ATP6V0A4: variants seen among roughly 807,000 people sequenced by gnomAD.
ATP6V0A4 encodes ATPase H+ transporting V0 subunit a4, also known as V-type proton ATPase 116 kDa subunit a 4.
In ATP6V0A4, 86 loss-of-function variants were observed where a neutral mutation model predicts 107.3. The ratio of observed to expected loss-of-function variants is 0.80; its 90% CI spans 0.67 to 0.96. The LOEUF is 0.96. Ranked by LOEUF, ATP6V0A4 falls within the 40% of genes least tolerant of loss-of-function variation. The pLI is 0.00. For missense variants in ATP6V0A4, 908 were observed against 1,045.6 expected (o/e 0.87, Z 1.81); for synonymous variants, 353 against 381.4 (o/e 0.93, Z 0.87).
At chr7:138,711,241 G>T (rs1383299774) in intron 20 of ATP6V0A4, among the ~76,000 whole-genome samples, 2 of 152,118 alleles carry the variant, frequency 1.3e-5, no homozygotes, top group East Asian at 3.9e-4. Flanking sequence ...CCAAGAGGAG[G>T]GAGGTCATGG....
At chr7:138,768,094 C>T (rs577940657) in intron 5 of ATP6V0A4, among the ~76,000 whole-genome samples, 12 of 152,078 alleles carry the variant, frequency 7.9e-5, no homozygotes, top group South Asian at 2.1e-4. Context: ...CCACCACCCC[C>T]GGCTAATTTT....
chr7:138,711,823 C>T (rs1352110319), intron 20 of ATP6V0A4, among the ~76,000 whole-genome samples: 1 of 152,272 alleles, frequency 6.6e-6, no homozygotes, highest in Non-Finnish European at 1.5e-5. Context: ...GATGCACACA[C>T]TCAGCCCTGC....
chr7:138,795,047 A>G (rs1458505333), intron 1 of ATP6V0A4, among the ~76,000 whole-genome samples: 2 of 151,934 alleles, frequency 1.3e-5, no homozygotes, highest in Non-Finnish European at 2.9e-5. Context: ...ACAGGCATGC[A>G]CCACCACGCC....
At chr7:138,734,002 A>G (rs983955685) in intron 16 of ATP6V0A4, 134 bp downstream of exon 16, 10 of 1,004,142 alleles carry the variant, frequency 1.0e-5, no homozygotes, top group African/African-American at 1.6e-5. Context: ...GCTCAAGCCC[A>G]GATGCCCAGG....
chr7:138,734,138 G>A lies in ATP6V0A4; in HGVS notation c.1689C>T (p.His563=), dbSNP rs760603032. 1 of 1,610,362 alleles carries A rather than the reference G, an allele frequency of 6.2e-7. No homozygotes were observed. The highest frequency in any genetic ancestry group is 1.7e-5 in the Admixed American group (1 of 59,994). ...VFGVILSLFN[H]IYFRRTLNII... is the part of the protein sequence containing the mutation. ...AGAGAGTGCATCAAGAAACTTACAT[G>A]TGATTGAAAAGGCTGAGGATGACAC... The change falls in exon 16 of 22, where the codon CAC becomes CAT. Residue 563 remains histidine (H), a splice_region_variant and synonymous_variant. Transcript: ENST00000310018.
Position 138,722,033 on chromosome 7 carries a change from C to T in ATP6V0A4, c.2011-8G>A, listed in dbSNP as rs183571925. On this transcript the variant is annotated splice_region_variant and splice_polypyrimidine_tract_variant and intron_variant, in intron 18 of 21. Coordinates refer to ENST00000310018, the MANE Select transcript of ATP6V0A4 (RefSeq NM_020632.3). The stretch of plus-strand genomic sequence containing the variant: ...GATCCTGGATGCCTGCAGCTGACAA[C>T]AAGCAGGGAAATGAGGAATGCGCTC... 353 of 1,614,084 alleles carry T rather than the reference C, an allele frequency of 2.2e-4. No homozygotes were observed. In the African/African-American group the frequency reaches 2.8e-3, roughly 13 times the overall value.
Position 138,709,737 on chromosome 7 carries a change from C to T in ATP6V0A4, c.2316G>A (p.Trp772Ter). Residue 772 changes from tryptophan (W) to a stop codon, truncating the protein, a stop_gained, in exon 21 of 22, where the codon TGG becomes TGA. Coordinates refer to ENST00000310018, the MANE Select transcript of ATP6V0A4 (RefSeq NM_020632.3). LOFTEE classifies it high-confidence loss of function. ...TAATAAAAACCCCGACGATTCCTCCCCAGCCTCGCGTCTGAAGGCCGCTGT... is the reference window on the plus strand; with the variant it reads ...TAATAAAAACCCCGACGATTCCTCCTCAGCCTCGCGTCTGAAGGCCGCTGT... ...VMNSGLQTRG[W>*]GGIVGVFIIF... The T allele has an allele frequency of 6.2e-7, 1 of 1,614,072 alleles. No individual in the cohort carries two copies. The highest frequency in any genetic ancestry group is 8.5e-7 in the Non-Finnish European group (1 of 1,179,988).
chr7:138,745,017 A>C (rs1309178777), intron 14 of ATP6V0A4, 106 bp downstream of exon 14: 1 of 1,065,166 alleles, frequency 9.4e-7, no homozygotes, highest in African/African-American at 1.6e-5. Context: ...TGAATTTTCA[A>C]GTGCACCTCT....
Position 138,770,529 on chromosome 7 carries a change from A to C in ATP6V0A4, c.117+602T>G, listed in dbSNP as rs149166009. ...CTAGGGATGCGAACAACAAGATGTG[A>C]TTCTTCCCTGCAGGAGCTTAGCTCT... On this transcript the variant is annotated intron_variant, in intron 3 of 21. Transcript: ENST00000310018. Among the ~76,000 whole-genome samples the C allele has an allele frequency of 3.6e-4, 55 of 152,304 alleles. No individual in the cohort carries two copies. The East Asian group carries it at 0.01, about 28-fold the overall frequency.
At chr7:138,737,017 A>G (rs1805359470) in intron 15 of ATP6V0A4, among the ~76,000 whole-genome samples, 2 of 150,952 alleles carry the variant, frequency 1.3e-5, no homozygotes, top group South Asian at 4.2e-4. Context: ...GCTATGATGA[A>G]GGCCAAATAT....
At chr7:138,733,696 G>T (rs958290235) in intron 16 of ATP6V0A4, among the ~76,000 whole-genome samples, 4 of 147,272 alleles carry the variant, frequency 2.7e-5, no homozygotes, top group African/African-American at 1.0e-4. Flanking sequence ...CCCTGCCCCA[G>T]CCTCCTAAGT....
chr7:138,758,401 A>C (rs1052120630), intron 8 of ATP6V0A4, among the ~76,000 whole-genome samples: 3 of 152,196 alleles, frequency 2.0e-5, no homozygotes, highest in South Asian at 2.1e-4. Flanking sequence ...CTTATTTTAA[A>C]TTTCACTTAT....
chr7:138,766,975 C>A (rs1005346991), intron 5 of ATP6V0A4, among the ~76,000 whole-genome samples: 1 of 152,204 alleles, frequency 6.6e-6, no homozygotes, highest in African/African-American at 2.4e-5. Flanking sequence ...TCCTCTCCTT[C>A]AATAAAAACA....
At chr7:138,708,828 C>G (rs1388118592) in intron 21 of ATP6V0A4, among the ~76,000 whole-genome samples, 2 of 152,190 alleles carry the variant, frequency 1.3e-5, no homozygotes, top group Non-Finnish European at 1.5e-5. Context: ...AATCCCAGCA[C>G]TTTGGGAGGC....
intron 11 of ATP6V0A4, among the ~76,000 whole-genome samples, chr7:138,751,739 A>T (rs1485388447): frequency 6.6e-6 from 1 of 151,866 alleles, no homozygotes; most frequent in Non-Finnish European, 1.5e-5. Flanking sequence ...CATCTCGGAC[A>T]CACCGCAAGC....
At chr7:138,761,269 C>T (rs1806800655) in intron 7 of ATP6V0A4, among the ~76,000 whole-genome samples, 1 of 152,080 alleles carries the variant, frequency 6.6e-6, no homozygotes, top group Admixed American at 6.6e-5. Context: ...GAGGTCAAGG[C>T]TGCAGTGAGC....
chr7:138,719,199 T>C (rs1316903289), intron 19 of ATP6V0A4, among the ~76,000 whole-genome samples: 1 of 152,120 alleles, frequency 6.6e-6, no homozygotes, highest in African/African-American at 2.4e-5. Flanking sequence ...ATAGTAATTA[T>C]AATAATCATA....
intron 1 of ATP6V0A4, among the ~76,000 whole-genome samples, chr7:138,797,353 G>T (rs1808731776): frequency 6.6e-6 from 1 of 151,728 alleles, no homozygotes; most frequent in South Asian, 2.1e-4. Context: ...AAGTGGCTGG[G>T]ACTACAGGCA....
At chr7:138,763,186 GACAC>G (rs3832464) in intron 5 of ATP6V0A4, 161 bp from the exon 6 acceptor site, 858 of 262,306 alleles carry the variant, frequency 3.3e-3, no homozygotes, top group Non-Finnish European at 4.3e-3. Context: ...GACACACACA[GACAC>G]ACACACACAC....
Sources: gnomAD v4.1 joint callset for allele counts (sites outside exome capture counted in the v4.1 genomes callset) on GRCh38, gnomAD v4.1.1 for gene constraint, MANE v1.5 for transcripts, NCBI Gene and HGNC (gene_info 2026-07-23, HGNC 2026-07-21) for gene names.